UGT1A10: variants seen among roughly 807,000 people sequenced by gnomAD.
The protein encoded by UGT1A10 is UDP-glucuronosyltransferase 1A10.
UGT1A10 carries 49 observed loss-of-function variants against 45.8 expected under a neutral mutation model. That is an observed-to-expected ratio of 1.07 (90% confidence interval 0.85 to 1.36). UGT1A10 has a LOEUF of 1.36. Ranked by LOEUF, UGT1A10 falls within the 40% of genes most tolerant of loss-of-function variation. The pLI is 0.00. For missense variants in UGT1A10, 745 were observed against 668.6 expected, an observed-to-expected ratio of 1.11 and a Z score of -1.26; for synonymous variants, 284 against 249.7, an observed-to-expected ratio of 1.14 and a Z score of -1.29.
chr2:233,641,785 G>A (rs147906024), intron 1 of UGT1A10, among the ~76,000 whole-genome samples: 134 of 152,184 alleles, frequency 8.8e-4, no homozygotes, highest in Admixed American at 2.7e-3. Flanking sequence ...TACTATTCTG[G>A]GGTAAAAGGT....
intron 1 of UGT1A10, chr2:233,713,745 G>A: frequency 6.2e-7 from 1 of 1,613,988 alleles, no homozygotes; most frequent in Non-Finnish European, 8.5e-7. Context: ...TGTCAGCCAT[G>A]CATCTGTGTG....
chr2:233,673,858 A>T (rs2602378), intron 1 of UGT1A10, among the ~76,000 whole-genome samples: 93,576 of 151,908 alleles, frequency 0.62, 29,072 homozygotes, highest in South Asian at 0.65. Context: ...TACAATGTCA[A>T]CTGCAAAGAA....
At chr2:233,676,077 A>G (rs2074345322) in intron 1 of UGT1A10, among the ~76,000 whole-genome samples, 2 of 152,200 alleles carry the variant, frequency 1.3e-5, no homozygotes, top group South Asian at 4.1e-4. Context: ...CAAGTGTGTC[A>G]AGATCATTCA....
intron 1 of UGT1A10, among the ~76,000 whole-genome samples, chr2:233,766,276 CCCGGGCTCG>C (rs1699094963): frequency 2.0e-5 from 3 of 151,848 alleles, no homozygotes; most frequent in Non-Finnish European, 1.5e-5. Flanking sequence ...GGCTCGGTGG[CCCGGGCTCG>C]GTGGCCTGGG....
chr2:233,714,306 TAGAG>T (rs2076379080), intron 1 of UGT1A10, among the ~76,000 whole-genome samples: 3 of 152,124 alleles, frequency 2.0e-5, no homozygotes, highest in African/African-American at 7.2e-5. Context: ...TTGCAAAAGA[TAGAG>T]AGGTGACCAC....
intron 1 of UGT1A10, chr2:233,761,057 G>A: frequency 6.2e-7 from 1 of 1,614,206 alleles, no homozygotes. Flanking sequence ...TGGCTGTTTA[G>A]AAGTGACTTT....
At chr2:233,655,361 C>A (rs1224652646) in intron 1 of UGT1A10, among the ~76,000 whole-genome samples, 1 of 152,144 alleles carries the variant, frequency 6.6e-6, no homozygotes. Context: ...AGTCTCACGT[C>A]CTGGGAGACT....
intron 1 of UGT1A10, among the ~76,000 whole-genome samples, chr2:233,710,586 G>C (rs947455751): frequency 1.3e-5 from 2 of 152,000 alleles, no homozygotes; most frequent in Non-Finnish European, 2.9e-5. Flanking sequence ...AAAATCTTCC[G>C]CACACCTTTA....
chr2:233,676,151 A>G (rs1249377468), intron 1 of UGT1A10, among the ~76,000 whole-genome samples: 1 of 152,050 alleles, frequency 6.6e-6, no homozygotes, highest in African/African-American at 2.4e-5. Flanking sequence ...CCAGCGTCAG[A>G]CTCCAAAACC....
chr2:233,665,412 C>A (rs1430358908), intron 1 of UGT1A10, among the ~76,000 whole-genome samples: 2 of 152,206 alleles, frequency 1.3e-5, no homozygotes, highest in Non-Finnish European at 2.9e-5. Context: ...TCCCCAGCAG[C>A]TTTACTTCTC....
chr2:233,674,635 T>G (rs2074290934), intron 1 of UGT1A10, among the ~76,000 whole-genome samples: 1 of 123,470 alleles, frequency 8.1e-6, no homozygotes, highest in Non-Finnish European at 1.9e-5. Flanking sequence ...TCATTTATTT[T>G]GATTATAAAT....
intron 4 of UGT1A10, chr2:233,771,176 C>A (rs887864017): frequency 1.1e-4 from 17 of 152,256 alleles, no homozygotes; most frequent in African/African-American, 4.1e-4. Context: ...CTGGGGATTA[C>A]AATTCAACAT....
chr2:233,679,713 C>A (rs375642395), intron 1 of UGT1A10, among the ~76,000 whole-genome samples: 1 of 152,142 alleles, frequency 6.6e-6, no homozygotes. Context: ...GTTATCTGGA[C>A]AATTTTAAAG....
chr2:233,690,396 T>C lies in UGT1A10; in HGVS notation c.855+53019T>C, dbSNP rs576943565. 5.3e-6 allele frequency: 6 copies of C among 1,133,506 alleles called. No individual in the cohort carries two copies. In the South Asian group the frequency reaches 8.5e-5, roughly 16 times the overall value. 70.2% of individuals were successfully genotyped at this position (1,133,506 alleles called of 1,614,324 possible). A position where few individuals can be genotyped will look rare whatever the true frequency, so the allele number is the denominator to read the frequency against. On this transcript the variant is annotated intron_variant, in intron 1 of 4. Transcript: ENST00000344644. Reference sequence around the variant, plus strand: ...TAGGGTCCACGTTTCCAGACCTTCCTATTCCCAACATGAAATTACCTTCAT... The same window carrying C: ...TAGGGTCCACGTTTCCAGACCTTCCCATTCCCAACATGAAATTACCTTCAT...
chr2:233,721,895 C>T lies in UGT1A10; in HGVS notation c.856-45139C>T, dbSNP rs564941516. On this transcript the variant is annotated intron_variant, in intron 1 of 4. Transcript: ENST00000344644. ...CTTGCCAGCCCCTCCATTGCAATAT[C>T]GAAATGGTGCACACTGCTTCCATAA... 5.1e-5 allele frequency: 24 copies of T among 474,852 alleles called. 1 individual carries two copies. Among genetic ancestry groups the T allele is most frequent in the Non-Finnish European group, 8.4e-5 (20 of 237,474 alleles). The allele number at this position is 474,852 out of a possible 1,614,324, so 29.4% of individuals were successfully genotyped here.
intron 1 of UGT1A10, among the ~76,000 whole-genome samples, chr2:233,655,312 A>G (rs1445452025): frequency 1.3e-5 from 2 of 152,130 alleles, no homozygotes; most frequent in Non-Finnish European, 2.9e-5. Context: ...GTGACAACCC[A>G]TGCAGGTTTG....
chr2:233,729,326 T>C (rs370995578), intron 1 of UGT1A10: 82 of 1,614,128 alleles, frequency 5.1e-5, no homozygotes, highest in Non-Finnish European at 6.7e-5. Flanking sequence ...GAGGTGAATA[T>C]GCACATCAAA....
chr2:233,770,051 A>G (rs1483114372), intron 4 of UGT1A10: 1 of 154,750 alleles, frequency 6.5e-6, no homozygotes, highest in Non-Finnish European at 1.4e-5. Flanking sequence ...CTTGAGGCTC[A>G]CATTATGGAT....
chr2:233,648,656 G>A (rs1422332939), intron 1 of UGT1A10: 2 of 269,936 alleles, frequency 7.4e-6, no homozygotes, highest in Non-Finnish European at 7.3e-6. Context: ...AGTGGAGACG[G>A]GGTTTCACCG....
Sources: gnomAD v4.1 joint callset for allele counts (sites outside exome capture counted in the v4.1 genomes callset) on GRCh38, gnomAD v4.1.1 for gene constraint, MANE v1.5 for transcripts, NCBI Gene and HGNC (gene_info 2026-07-23, HGNC 2026-07-21) for gene names.